Variants in ZBBX observed in about 807,000 individuals in gnomAD.
ZBBX encodes the protein zinc finger B-box domain containing.
Under a neutral mutation model 108.5 loss-of-function variants are expected in ZBBX, and 101 were observed. That is an observed-to-expected ratio of 0.93 (90% CI 0.79 to 1.10). The LOEUF (loss-of-function observed/expected upper bound fraction) is 1.10, where lower values mean the gene tolerates loss of function less well. Among genes scored for constraint, ZBBX ranks in the 50% least tolerant of loss-of-function variants. The pLI is 0.00. For missense variants in ZBBX, 1,009 were observed against 941.4 expected (o/e 1.07, Z -0.94); for synonymous variants, 356 against 323.4 (o/e 1.10, Z -1.08).
Position 167,261,624 on chromosome 3 carries a change from T to C in ZBBX, c.2255-18981A>G, listed in dbSNP as rs532490029. On this transcript the variant is annotated intron_variant, in intron 20 of 21. Coordinates refer to ENST00000675490, the MANE Select transcript of ZBBX (RefSeq NM_001199201.2). The stretch of plus-strand genomic sequence containing the variant: ...CAGGGAAGTGGGAGAAAGCCAGCAG[T>C]CACAAGCCTCATCCAGCTCCCACAC... 2.2e-3 allele frequency among the ~76,000 whole-genome samples: 335 copies of C among 151,652 alleles called. 2 individuals are homozygous for C. The highest frequency in any genetic ancestry group is 7.9e-3 in the African/African-American group (328 of 41,312).
rs1412990774 is a variant in ZBBX, at chr3:167,379,739, G to A, written c.-233C>T. ...CCGCACCATAGCCCTTACTTGTGAG[G>A]AGTAGACTTCAAGAAGTAAGTGGGT... On this transcript the variant is annotated 5_prime_UTR_variant, in exon 2 of 22. Transcript: ENST00000675490. 1.3e-5 allele frequency: 2 copies of A among 152,144 alleles called. No individual in the cohort carries two copies. The highest frequency in any genetic ancestry group is 2.9e-5 in the Non-Finnish European group (2 of 68,032). 9.4% of individuals were successfully genotyped at this position (152,144 alleles called of 1,614,324 possible).
chr3:167,341,906 C>T (rs1348165837), intron 9 of ZBBX, among the ~76,000 whole-genome samples: 1 of 151,718 alleles, frequency 6.6e-6, no homozygotes, highest in Admixed American at 6.6e-5. Flanking sequence ...ATTGCTGTTA[C>T]ATCACAATTA....
At chr3:167,360,230 G>GA (rs1697687548) in intron 7 of ZBBX, among the ~76,000 whole-genome samples, 1 of 149,042 alleles carries the variant, frequency 6.7e-6, no homozygotes, top group African/African-American at 2.4e-5. Flanking sequence ...CTATCCTCCA[G>GA]AAAAACATCT....
chr3:167,268,532 CA>C (rs1725969555), intron 20 of ZBBX, among the ~76,000 whole-genome samples: 1 of 151,910 alleles, frequency 6.6e-6, no homozygotes, highest in Admixed American at 6.6e-5. Context: ...ACCCTGAACC[CA>C]CAACCTCTCT....
chr3:167,189,747 C>T, the ZBBX span, among the ~76,000 whole-genome samples: 1 of 152,164 alleles, frequency 6.6e-6, no homozygotes, highest in Non-Finnish European at 1.5e-5. Context: ...CATCCCACAC[C>T]AGAGTGATAC....
intron 20 of ZBBX, among the ~76,000 whole-genome samples, chr3:167,265,233 G>T (rs1374698466): frequency 2.0e-5 from 3 of 152,188 alleles, no homozygotes; most frequent in Non-Finnish European, 2.9e-5. Context: ...AAGGCCTGTG[G>T]TGTACTCCCT....
intron 20 of ZBBX, among the ~76,000 whole-genome samples, chr3:167,254,071 C>G (rs897601688): frequency 3.9e-5 from 6 of 152,092 alleles, no homozygotes; most frequent in African/African-American, 1.4e-4. Context: ...TTTTAAAAAA[C>G]TAAATATGCC....
At chr3:167,334,589 A>C (rs1000750586) in intron 9 of ZBBX, among the ~76,000 whole-genome samples, 3 of 152,132 alleles carry the variant, frequency 2.0e-5, no homozygotes, top group Non-Finnish European at 4.4e-5. Context: ...AAGAAAAAAG[A>C]AAGAAAAGAA....
intron 9 of ZBBX, among the ~76,000 whole-genome samples, chr3:167,348,350 AAGAAAGAAAGAAAGAAAG>A (rs1741977399): frequency 8.5e-6 from 1 of 117,198 alleles, no homozygotes; most frequent in African/African-American, 3.3e-5. Context: ...GAAAGAAAGA[AAGAAAGAAAGAAAGAAAG>A]AAAAAAAAGA....
chr3:167,395,831 G>A (rs918620555), intron 1 of ZBBX, among the ~76,000 whole-genome samples: 1 of 151,968 alleles, frequency 6.6e-6, no homozygotes, highest in Non-Finnish European at 1.5e-5. Context: ...AATTAAGAGA[G>A]AAAGCCATGT....
the ZBBX span, among the ~76,000 whole-genome samples, chr3:167,196,066 T>C: frequency 6.6e-6 from 1 of 152,206 alleles, no homozygotes; most frequent in African/African-American, 2.4e-5. Flanking sequence ...TTCTTCTGCA[T>C]GACATATATC....
intron 9 of ZBBX, among the ~76,000 whole-genome samples, chr3:167,339,232 C>T (rs924402255): frequency 5.9e-5 from 9 of 151,878 alleles, no homozygotes; most frequent in Non-Finnish European, 1.3e-4. Context: ...AGAAAAAAAC[C>T]TGAAAAATAT....
chr3:167,303,763 G>A (rs1405722883), intron 17 of ZBBX, among the ~76,000 whole-genome samples: 1 of 152,160 alleles, frequency 6.6e-6, no homozygotes, highest in Admixed American at 6.5e-5. Context: ...TGTCAATCTA[G>A]TAATTGCTCT....
At chr3:167,370,701 C>T (rs992563560) in intron 4 of ZBBX, among the ~76,000 whole-genome samples, 1 of 152,028 alleles carries the variant, frequency 6.6e-6, no homozygotes, top group Non-Finnish European at 1.5e-5. Flanking sequence ...ATGTTATACA[C>T]GGAGCCATAA....
intron 1 of ZBBX, among the ~76,000 whole-genome samples, chr3:167,398,393 A>T (rs1451296491): frequency 6.6e-6 from 1 of 152,058 alleles, no homozygotes; most frequent in Admixed American, 6.6e-5. Flanking sequence ...GCCCAATAAC[A>T]TTGTCAATAA....
intron 20 of ZBBX, among the ~76,000 whole-genome samples, chr3:167,262,346 C>G (rs1336093140): frequency 6.6e-6 from 1 of 152,206 alleles, no homozygotes; most frequent in African/African-American, 2.4e-5. Flanking sequence ...GCCTGTTGCT[C>G]TTTCTGGAGC....
At chr3:167,308,739 G>C (rs1478542585) in intron 16 of ZBBX, among the ~76,000 whole-genome samples, 5 of 152,158 alleles carry the variant, frequency 3.3e-5, no homozygotes. Context: ...ATAAGAGGAA[G>C]CTAAATGGTG....
chr3:167,273,853 T>A, intron 20 of ZBBX, among the ~76,000 whole-genome samples: 1 of 152,224 alleles, frequency 6.6e-6, no homozygotes, highest in East Asian at 1.9e-4. Flanking sequence ...GGGTACCTGA[T>A]AGATTCAAAG....
At chr3:167,192,491 T>C in the ZBBX span, among the ~76,000 whole-genome samples, 1 of 152,198 alleles carries the variant, frequency 6.6e-6, no homozygotes, top group Non-Finnish European at 1.5e-5. Context: ...GAAAAGTCTG[T>C]ATGAATTTGA....
Sources: gnomAD v4.1 joint callset for allele counts (sites outside exome capture counted in the v4.1 genomes callset) on GRCh38, gnomAD v4.1.1 for gene constraint, MANE v1.5 for transcripts, NCBI Gene and HGNC (gene_info 2026-07-23, HGNC 2026-07-21) for gene names.